The following TUSC3 variants were observed in gnomAD, a reference collection of about 807,000 sequenced individuals.
TUSC3 encodes the protein dolichyl-diphosphooligosaccharide--protein glycosyltransferase subunit TUSC3.
In TUSC3, 45 loss-of-function variants were observed where a neutral mutation model predicts 44.8. The ratio of observed to expected loss-of-function variants is 1.00; its 90% CI spans 0.79 to 1.29. TUSC3 has a LOEUF of 1.29. Ranked by LOEUF, TUSC3 falls within the 50% of genes most tolerant of loss-of-function variation. TUSC3 has a pLI of 0.00. For synonymous variants in TUSC3, 212 were observed against 152.9 expected (o/e 1.39, Z -2.85); for missense variants, 519 against 437.9 (o/e 1.19, Z -1.65).
In TUSC3 at chr8:15,765,936, A is replaced by G. The variant is rs985725600; in HGVS notation, c.*1780A>G. On this transcript the variant is annotated 3_prime_UTR_variant, in exon 11 of 11. Coordinates refer to ENST00000503731, the MANE Select transcript of TUSC3 (RefSeq NM_006765.4). The stretch of plus-strand genomic sequence containing the variant: ...ACTTTTGTTTGTATCCTTAAATCTC[A>G]GAATTATCTTGCAGTTAATATGCAG... The G allele has an allele frequency of 1.3e-5, 2 of 152,112 alleles. No homozygotes were observed. The highest frequency in any genetic ancestry group is 6.6e-5 in the Admixed American group (1 of 15,254). 9.4% of individuals were successfully genotyped at this position (152,112 alleles called of 1,614,324 possible).
chr8:15,528,041 G>C (rs1171611744), intron 2 of TUSC3, among the ~76,000 whole-genome samples: 1 of 152,064 alleles, frequency 6.6e-6, no homozygotes, highest in East Asian at 1.9e-4. Context: ...TCCTTATAAA[G>C]AATTTAGTCC....
At chr8:15,835,810 T>G in the TUSC3 span, among the ~76,000 whole-genome samples, 355 of 152,040 alleles carry the variant, frequency 2.3e-3, 1 homozygote, top group African/African-American at 8.2e-3. Context: ...TGTTTAGGTT[T>G]TATAAATCAC....
chr8:15,637,188 TA>T (rs1489709158), intron 2 of TUSC3, among the ~76,000 whole-genome samples: 1 of 152,156 alleles, frequency 6.6e-6, no homozygotes, highest in African/African-American at 2.4e-5. Flanking sequence ...TCAGGGACTC[TA>T]ATTCTCCATA....
intron 1 of TUSC3, among the ~76,000 whole-genome samples, chr8:15,592,343 A>T (rs1280038177): frequency 6.6e-6 from 1 of 152,150 alleles, no homozygotes; most frequent in Non-Finnish European, 1.5e-5. Context: ...ATAGCACTTG[A>T]TACGGTTTGG....
At chr8:15,654,249 A>C (rs1010688948) in intron 3 of TUSC3, among the ~76,000 whole-genome samples, 4 of 152,148 alleles carry the variant, frequency 2.6e-5, no homozygotes, top group African/African-American at 9.7e-5. Flanking sequence ...GTTGCTATAG[A>C]CGTCTCTCAT....
intron 6 of TUSC3, among the ~76,000 whole-genome samples, chr8:15,702,960 G>C (rs1462334327): frequency 2.0e-5 from 3 of 152,076 alleles, no homozygotes; most frequent in African/African-American, 4.8e-5. Flanking sequence ...GAAGTATACT[G>C]TCCCAGTTTA....
At chr8:15,759,051 C>T (rs1317027294) in intron 10 of TUSC3, among the ~76,000 whole-genome samples, 1 of 152,174 alleles carries the variant, frequency 6.6e-6, no homozygotes, top group Non-Finnish European at 1.5e-5. Flanking sequence ...CAATGTACTT[C>T]TCGCTAGCAT....
chr8:15,509,273 A>G (rs549656690), intron 2 of TUSC3, among the ~76,000 whole-genome samples: 1 of 152,316 alleles, frequency 6.6e-6, no homozygotes, highest in Admixed American at 6.5e-5. Flanking sequence ...CATCTAAGTT[A>G]GTTTCCTTAA....
At chr8:15,517,522 C>CAAAAAAAAAA (rs71211049) in intron 2 of TUSC3, among the ~76,000 whole-genome samples, 2 of 77,554 alleles carry the variant, frequency 2.6e-5, no homozygotes, top group Non-Finnish European at 4.1e-5. Flanking sequence ...TAGCGTGAGG[C>CAAAAAAAAAA]AAAAAAAAAA....
chr8:15,763,118 G>A (rs554652078), intron 10 of TUSC3, among the ~76,000 whole-genome samples: 27 of 151,350 alleles, frequency 1.8e-4, no homozygotes, highest in South Asian at 6.2e-4. Context: ...AATATACACT[G>A]TATATTATAT....
chr8:15,449,384 G>A (rs1402433854), intron 1 of TUSC3, among the ~76,000 whole-genome samples: 1 of 152,158 alleles, frequency 6.6e-6, no homozygotes, highest in Admixed American at 6.5e-5. Context: ...AAAAGGTGAA[G>A]CAGAGGACAC....
intron 2 of TUSC3, among the ~76,000 whole-genome samples, chr8:15,527,787 A>G (rs1801395449): frequency 1.3e-5 from 2 of 152,218 alleles, no homozygotes; most frequent in African/African-American, 2.4e-5. Flanking sequence ...GTTACTGATT[A>G]TCAATAGACA....
the TUSC3 span, among the ~76,000 whole-genome samples, chr8:15,816,488 T>G: frequency 6.6e-6 from 1 of 152,138 alleles, no homozygotes; most frequent in South Asian, 2.1e-4. Flanking sequence ...AGAAAGATAT[T>G]TGAAGCATCC....
intron 1 of TUSC3, among the ~76,000 whole-genome samples, chr8:15,566,584 G>A (rs867292732): frequency 1.3e-5 from 2 of 150,842 alleles, no homozygotes; most frequent in East Asian, 2.0e-4. Context: ...TTGTTTATCC[G>A]ACTTCACAGA....
Position 15,731,266 on chromosome 8 carries a change from ATAG to A in TUSC3, c.862+541_862+543del, listed in dbSNP as rs1224253951. Reference sequence around the variant, plus strand: ...GATGAAGAATGTAACAGGATAAAAAATAGTAGCAGGGTAAGAAAAAGGTAAGGT... The same window carrying A: ...GATGAAGAATGTAACAGGATAAAAAATAGCAGGGTAAGAAAAAGGTAAGGT... On this transcript the variant is annotated intron_variant, in intron 7 of 10. Coordinates refer to ENST00000503731, the MANE Select transcript of TUSC3 (RefSeq NM_006765.4). 4.6e-5 allele frequency among the ~76,000 whole-genome samples: 7 copies of A among 152,158 alleles called. No homozygotes were observed. In the South Asian group the frequency reaches 6.2e-4, roughly 13 times the overall value.
At chr8:15,506,244 C>T (rs1163302227) in intron 2 of TUSC3, among the ~76,000 whole-genome samples, 1 of 152,184 alleles carries the variant, frequency 6.6e-6, no homozygotes, top group Non-Finnish European at 1.5e-5. Flanking sequence ...TTCCCCTGCC[C>T]TCCTCTCTCT....
chr8:15,775,013 G>A, the TUSC3 span, among the ~76,000 whole-genome samples: 1 of 152,068 alleles, frequency 6.6e-6, no homozygotes, highest in Admixed American at 6.6e-5. Flanking sequence ...AACAAAACTT[G>A]CACAAATGTT....
At chr8:15,517,102 G>A (rs1206770491) in intron 2 of TUSC3, among the ~76,000 whole-genome samples, 1 of 152,062 alleles carries the variant, frequency 6.6e-6, no homozygotes, top group Admixed American at 6.5e-5. Context: ...TTTTCAATGG[G>A]AGCTTTGCCA....
the TUSC3 span, among the ~76,000 whole-genome samples, chr8:15,824,417 A>G: frequency 4.6e-5 from 7 of 152,144 alleles, no homozygotes; most frequent in African/African-American, 1.4e-4. Flanking sequence ...ACTCTTAAAA[A>G]TCTATAAAGA....
Sources: gnomAD v4.1 joint callset for allele counts (sites outside exome capture counted in the v4.1 genomes callset) on GRCh38, gnomAD v4.1.1 for gene constraint, MANE v1.5 for transcripts, NCBI Gene and HGNC (gene_info 2026-07-23, HGNC 2026-07-21) for gene names.